EDIL3: variants seen among roughly 807,000 people sequenced by gnomAD.
EDIL3 encodes the protein EGF like and discoidin domains 3, also known as EGF-like repeat and discoidin I-like domain-containing protein 3.
EDIL3 carries 37 observed loss-of-function variants against 67.4 expected under a neutral mutation model. The observed-to-expected ratio is 0.55, with a 90% confidence interval of 0.42 to 0.72. The LOEUF (loss-of-function observed/expected upper bound fraction) is 0.72. EDIL3 is among the 30% of genes least tolerant of loss of function. The pLI is 0.00. For synonymous variants in EDIL3, 195 were observed against 196.3 expected, an observed-to-expected ratio of 0.99 and a Z score of 0.05; for missense variants, 527 against 586.3, an observed-to-expected ratio of 0.90 and a Z score of 1.04.
chr5:84,358,283 A>G (rs1213287183), intron 1 of EDIL3, among the ~76,000 whole-genome samples: 2 of 152,150 alleles, frequency 1.3e-5, no homozygotes, highest in East Asian at 3.9e-4. Context: ...AGGCCAGAGA[A>G]CAGTTCTGTT....
chr5:84,154,948 C>A (rs1748464878), intron 4 of EDIL3, among the ~76,000 whole-genome samples: 1 of 152,040 alleles, frequency 6.6e-6, no homozygotes, highest in Non-Finnish European at 1.5e-5. Flanking sequence ...AATCCTCCTG[C>A]CTCGGCGTCC....
chr5:84,174,786 T>C (rs865846705), intron 4 of EDIL3, among the ~76,000 whole-genome samples: 12 of 152,192 alleles, frequency 7.9e-5, no homozygotes, highest in South Asian at 4.1e-4. Context: ...TCCCAAGTGC[T>C]TGGAAGAACA....
At chr5:84,265,401 CAG>C (rs1745326489) in intron 1 of EDIL3, among the ~76,000 whole-genome samples, 1 of 152,082 alleles carries the variant, frequency 6.6e-6, no homozygotes, top group African/African-American at 2.4e-5. Flanking sequence ...TTGGCAAATA[CAG>C]AGACATCACA....
intron 2 of EDIL3, among the ~76,000 whole-genome samples, chr5:84,235,573 A>AT (rs1449931516): frequency 1.3e-5 from 2 of 151,978 alleles, no homozygotes; most frequent in Admixed American, 6.6e-5. Context: ...GGGCTGTAGC[A>AT]TTTTTTTGCT....
rs141409886 is a variant in EDIL3 at position 84,081,756 on chromosome 5, G to GA, written c.652-15151dup. Among the ~76,000 whole-genome samples, 1,456 of 149,170 alleles carry GA rather than the reference G, an allele frequency of 9.8e-3. 51 individuals carry two copies. Among genetic ancestry groups the GA allele is most frequent in the East Asian group, 0.085 (433 of 5,112 alleles). ...TCACCACAAACCTGTTCAACCAAAAGAAAAAAAAACAGAAAAATAATTGCT... is the reference window on the plus strand; with the variant it reads ...TCACCACAAACCTGTTCAACCAAAAGAAAAAAAAAACAGAAAAATAATTGCT... On this transcript the variant is annotated intron_variant, in intron 6 of 10. Transcript: ENST00000296591.
At chr5:84,190,595 A>G (rs867731040) in intron 3 of EDIL3, among the ~76,000 whole-genome samples, 22,862 of 144,088 alleles carry the variant, frequency 0.16, 1,972 homozygotes, top group African/African-American at 0.19. Context: ...ATATATATAT[A>G]TATATATATA....
intron 9 of EDIL3, among the ~76,000 whole-genome samples, chr5:84,056,860 C>T (rs1230771481): frequency 6.6e-6 from 1 of 151,934 alleles, no homozygotes; most frequent in African/African-American, 2.4e-5. Context: ...AAAAATTGAC[C>T]TCTATGTTAC....
chr5:84,024,809 T>C (rs1745783016), intron 9 of EDIL3, among the ~76,000 whole-genome samples: 1 of 151,722 alleles, frequency 6.6e-6, no homozygotes, highest in African/African-American at 2.4e-5. Flanking sequence ...TCTATTTTTT[T>C]TTTCACTCTA....
chr5:84,258,404 A>G (rs1406403652), intron 1 of EDIL3, among the ~76,000 whole-genome samples: 1 of 152,164 alleles, frequency 6.6e-6, no homozygotes, highest in African/African-American at 2.4e-5. Flanking sequence ...CAGATTTGAG[A>G]AAGTCTTAGT....
intron 1 of EDIL3, among the ~76,000 whole-genome samples, chr5:84,282,422 T>C (rs1215421228): frequency 2.0e-5 from 3 of 152,196 alleles, no homozygotes; most frequent in Non-Finnish European, 4.4e-5. Flanking sequence ...TTGAAATTTA[T>C]CCGTTTTACC....
At chr5:83,948,607 T>A (rs550617278) in intron 10 of EDIL3, among the ~76,000 whole-genome samples, 22 of 151,708 alleles carry the variant, frequency 1.5e-4, no homozygotes, top group Middle Eastern at 6.8e-3. Flanking sequence ...TTTTTTTTAT[T>A]AAAAAGGAAA....
intron 9 of EDIL3, among the ~76,000 whole-genome samples, chr5:83,975,339 T>A (rs1487647370): frequency 2.6e-5 from 4 of 152,026 alleles, no homozygotes; most frequent in Admixed American, 2.6e-4. Flanking sequence ...ATTCATGCAC[T>A]GTACTTTCTA....
chr5:84,022,399 C>G (rs1004964390), intron 9 of EDIL3, among the ~76,000 whole-genome samples: 4 of 151,638 alleles, frequency 2.6e-5, no homozygotes, highest in Non-Finnish European at 5.9e-5. Context: ...AGAAACTAGG[C>G]ATTAAAAGAC....
intron 4 of EDIL3, among the ~76,000 whole-genome samples, chr5:84,163,585 A>G (rs1163185097): frequency 6.6e-6 from 1 of 152,066 alleles, no homozygotes; most frequent in African/African-American, 2.4e-5. Flanking sequence ...AATTCATCTA[A>G]TCAAACTTAA....
intron 1 of EDIL3, among the ~76,000 whole-genome samples, chr5:84,327,746 A>G (rs190896156): frequency 7.0e-4 from 106 of 152,168 alleles, no homozygotes; most frequent in African/African-American, 2.4e-3. Flanking sequence ...TTGGAGCCAT[A>G]CAAGTTAGTG....
intron 1 of EDIL3, among the ~76,000 whole-genome samples, chr5:84,339,552 T>C (rs1282925131): frequency 6.6e-6 from 1 of 152,148 alleles, no homozygotes; most frequent in African/African-American, 2.4e-5. Flanking sequence ...TCCTATCTAC[T>C]TATATAGTTG....
At chr5:84,106,954 T>C (rs183441782) in intron 5 of EDIL3, 124 bp from the exon 6 acceptor site, 24 of 1,033,888 alleles carry the variant, frequency 2.3e-5, no homozygotes, top group Middle Eastern at 3.0e-4. Context: ...TATTTACTCT[T>C]CATCCCCTTT....
rs534130756 is a variant in EDIL3 at position 84,221,078 on chromosome 5, A to G, written c.226+8777T>C. 2.0e-5 allele frequency among the ~76,000 whole-genome samples: 3 copies of G among 152,282 alleles called. No homozygotes were observed. The South Asian group carries it at 6.2e-4, about 32-fold the overall frequency. ...ATGATATTTAATCTATATTAAATTG[A>G]ATTTTCTGTTACCTAGAACTAAGGA... On this transcript the variant is annotated intron_variant, in intron 3 of 10. Coordinates refer to ENST00000296591, the MANE Select transcript of EDIL3 (RefSeq NM_005711.5).
At chr5:84,058,005 C>T (rs915035162) in intron 9 of EDIL3, among the ~76,000 whole-genome samples, 2 of 152,032 alleles carry the variant, frequency 1.3e-5, no homozygotes, top group African/African-American at 2.4e-5. Flanking sequence ...TTAAGTCAGA[C>T]GTGGGCAGAA....
Sources: allele counts gnomAD v4.1 joint callset (sites outside exome capture counted in the v4.1 genomes callset), GRCh38; gene constraint gnomAD v4.1.1; transcripts MANE v1.5; gene names NCBI Gene and HGNC (gene_info 2026-07-23, HGNC 2026-07-21).